SACS: variants seen among roughly 807,000 people sequenced by gnomAD.
SACS encodes the protein sacsin molecular chaperone.
Under a neutral mutation model 348.0 loss-of-function variants are expected in SACS, and 197 were observed. The ratio of observed to expected loss-of-function variants is 0.57; its 90% CI spans 0.50 to 0.64. The LOEUF (loss-of-function observed/expected upper bound fraction) is 0.64, where lower values mean the gene tolerates loss of function less well. Among genes scored for constraint, SACS ranks in the 30% least tolerant of loss-of-function variants. The pLI is 0.00. For synonymous variants in SACS, 1,985 were observed against 1,910.6 expected, an observed-to-expected ratio of 1.04 and a Z score of -1.02; for missense variants, 4,999 against 5,360.8, an observed-to-expected ratio of 0.93 and a Z score of 2.11.
rs138040321 is a variant in SACS, at chr13:23,337,306, A to C, written c.6570T>G (p.Ser2190Arg). 1 of 1,613,784 alleles carries C rather than the reference A, an allele frequency of 6.2e-7. No individual in the cohort carries two copies. Among genetic ancestry groups the C allele is most frequent in the Non-Finnish European group, 8.5e-7 (1 of 1,179,840 alleles). The change falls in exon 10 of 10, where the codon AGT (serine) becomes AGG (arginine). Residue 2190 changes from serine to arginine, a missense_variant. By Grantham distance (110) the Ser-to-Arg change is moderately radical. Around this residue, in one of 6 missense-constraint regions of SACS, gnomAD observed 3,156 missense variants for 3,380.1 expected, o/e 0.93. Coordinates refer to ENST00000382292, the MANE Select transcript of SACS (RefSeq NM_014363.6). ...TTATTTTTAGTTTCTCATCGATAAG[A>C]CTCAATAAGATACTACTTCTTAGGC... Reference protein sequence around the residue: ...AACLRSSILLSLIDEKLKIRD... With the variant: ...AACLRSSILLRLIDEKLKIRD...
intron 6 of SACS, among the ~76,000 whole-genome samples, chr13:23,363,444 C>G (rs991196971): frequency 7.1e-6 from 1 of 140,778 alleles, no homozygotes; most frequent in African/African-American, 2.5e-5. Flanking sequence ...CCAGGCTGGT[C>G]TCGAATTCCT....
Position 23,339,331 on chromosome 13 carries a change from T to G in SACS, c.4545A>C (p.Ala1515=), listed in dbSNP as rs1185081163. 1 of 1,612,624 alleles carries G rather than the reference T, an allele frequency of 6.2e-7. No individual in the cohort carries two copies. ...IRENLLDPGM[A]ACHGPALWSF... Reference sequence around the variant, plus strand: ...ACCACAAAGCAGGTCCATGACAAGCTGCCATCCCTGGGTCTAGGAGATTCT... The same window carrying G: ...ACCACAAAGCAGGTCCATGACAAGCGGCCATCCCTGGGTCTAGGAGATTCT... The change falls in exon 10 of 10, where the codon GCA becomes GCC. Residue 1515 remains alanine (A), a synonymous_variant. Transcript: ENST00000382292.
intron 4 of SACS, among the ~76,000 whole-genome samples, chr13:23,368,843 T>A (rs71429841): frequency 6.6e-6 from 1 of 152,026 alleles, no homozygotes; most frequent in Non-Finnish European, 1.5e-5. Flanking sequence ...GGACTACAGG[T>A]GCCCACCACC....
Position 23,329,274 on chromosome 13 carries a change from C to A in SACS, c.*862G>T. ...GGTTGTTTTTTTTTTAACTGCAGCACCTTTAGACAACAAAAGATTGCATCC... is the reference window on the plus strand; with the variant it reads ...GGTTGTTTTTTTTTTAACTGCAGCAACTTTAGACAACAAAAGATTGCATCC... On this transcript the variant is annotated 3_prime_UTR_variant, in exon 10 of 10. Coordinates refer to ENST00000382292, the MANE Select transcript of SACS (RefSeq NM_014363.6). 1.8e-6 allele frequency: 1 copy of A among 561,700 alleles called. No individual in the cohort carries two copies. Among genetic ancestry groups the A allele is most frequent in the Non-Finnish European group, 3.2e-6 (1 of 316,112 alleles). 34.8% of individuals were successfully genotyped at this position (561,700 alleles called of 1,614,324 possible).
intron 1 of SACS, among the ~76,000 whole-genome samples, chr13:23,412,450 A>G (rs1873531631): frequency 8.3e-6 from 1 of 119,814 alleles, no homozygotes; most frequent in Admixed American, 1.0e-4. Flanking sequence ...GCCTCCCTCT[A>G]TTGTCCAGGC....
At chr13:23,408,269 T>G (rs1873320741) in intron 2 of SACS, among the ~76,000 whole-genome samples, 1 of 152,096 alleles carries the variant, frequency 6.6e-6, no homozygotes, top group East Asian at 1.9e-4. Flanking sequence ...TAGAGCTGTT[T>G]CCTCAGGACC....
At position 23,334,291 on chromosome 13, in the gene SACS, T is replaced by A. The variant is rs1234544303; in HGVS notation, c.9585A>T (p.Lys3195Asn). 1 of 1,602,656 alleles carries A rather than the reference T, an allele frequency of 6.2e-7. No individual in the cohort carries two copies. Among genetic ancestry groups the A allele is most frequent in the Non-Finnish European group, 8.5e-7 (1 of 1,174,112 alleles). ...TACAGTTCAATAAAATATTACTATA[T>A]TTCAAATATAATGTATTCATAAACA... ...KDLFMNTLYLKYSNILLNCKV... is the reference protein window; with the variant it reads ...KDLFMNTLYLNYSNILLNCKV... Residue 3195 changes from lysine (K) to asparagine (N), a missense_variant, in exon 10 of 10, where the codon AAA becomes AAT. Around this residue, in one of 6 missense-constraint regions of SACS, gnomAD observed 734 missense variants for 694.0 expected, o/e 1.06. Transcript: ENST00000382292.
intron 2 of SACS, among the ~76,000 whole-genome samples, chr13:23,401,488 T>G (rs1267413449): frequency 1.3e-5 from 2 of 152,188 alleles, no homozygotes; most frequent in African/African-American, 4.8e-5. Flanking sequence ...TCCCTTAATG[T>G]AGAAAACCAA....
chr13:23,330,979 C>T lies in SACS; in HGVS notation c.12897G>A (p.Lys4299=). 1.2e-6 allele frequency: 2 copies of T among 1,614,056 alleles called. No individual in the cohort carries two copies. The change falls in exon 10 of 10, where the codon AAG becomes AAA. Residue 4299 remains lysine, a synonymous_variant. Coordinates refer to ENST00000382292, the MANE Select transcript of SACS (RefSeq NM_014363.6). ...SSKHQSPKKL[K]VNSLPEILKE... is the part of the protein sequence containing the mutation. ...TTAAGATTTCTGGTAAAGAATTAAC[C>T]TTAAGCTTTTTGGGGGACTGATGTT...
At chr13:23,368,892 G>T (rs1043914652) in intron 4 of SACS, among the ~76,000 whole-genome samples, 1 of 151,936 alleles carries the variant, frequency 6.6e-6, no homozygotes, top group Non-Finnish European at 1.5e-5. Flanking sequence ...GTAGAGATGG[G>T]GTTTCACCAT....
intron 4 of SACS, among the ~76,000 whole-genome samples, chr13:23,369,563 C>T (rs1169442326): frequency 3.1e-4 from 43 of 140,216 alleles, no homozygotes; most frequent in Admixed American, 2.6e-3. Context: ...TTTTTTTTTT[C>T]AGACGGACTC....
intron 2 of SACS, chr13:23,375,607 A>G (rs1407744986): frequency 2.0e-6 from 2 of 992,026 alleles, no homozygotes; most frequent in Non-Finnish European, 2.4e-6. Flanking sequence ...CCGCGGGGAC[A>G]CGCCCACCCG....
intron 1 of SACS, among the ~76,000 whole-genome samples, chr13:23,422,679 G>A (rs1476192258): frequency 2.0e-5 from 3 of 147,308 alleles, no homozygotes; most frequent in African/African-American, 7.6e-5. Context: ...TTTTTTTTGA[G>A]ACGGAGTCTC....
At chr13:23,350,880 T>G (rs891327301) in intron 9 of SACS, among the ~76,000 whole-genome samples, 1 of 152,168 alleles carries the variant, frequency 6.6e-6, no homozygotes, top group Non-Finnish European at 1.5e-5. Flanking sequence ...CTGCACATGC[T>G]CAGCAGGACT....
At chr13:23,381,730 T>C (rs1434543882) in intron 2 of SACS, among the ~76,000 whole-genome samples, 2 of 152,224 alleles carry the variant, frequency 1.3e-5, no homozygotes, top group African/African-American at 4.8e-5. Flanking sequence ...TTTTATCATA[T>C]TGTATTTTTA....
At chr13:23,347,899 C>A in intron 9 of SACS, among the ~76,000 whole-genome samples, 1 of 152,140 alleles carries the variant, frequency 6.6e-6, no homozygotes, top group East Asian at 1.9e-4. Flanking sequence ...ATCAATAGAA[C>A]CTTCCATGTA....
rs1868559106 is a variant in SACS, at chr13:23,336,029, G to A, written c.7847C>T (p.Pro2616Leu). 1.9e-6 allele frequency: 3 copies of A among 1,612,486 alleles called. No individual in the cohort carries two copies. The Admixed American group carries it at 5.0e-5, about 27-fold the overall frequency. ...TATTCCATACTGTCCAGTTTTATAA[G>A]GATTTCCCTCTTTCGTGCCTTTTCC... is the stretch of plus-strand genomic sequence containing the variant. ...NLGKGTKEGN[P>L]YKTGQYGIGF... The change falls in exon 10 of 10, where the codon CCT becomes CTT. Residue 2616 changes from proline (P) to leucine (L), a missense_variant. Physicochemically the swap from Pro to Leu is moderately conservative, Grantham distance 98 (BLOSUM62 -3). Coordinates refer to ENST00000382292, the MANE Select transcript of SACS (RefSeq NM_014363.6).
rs750136982 is a variant in SACS, at chr13:23,341,029, G to A, written c.2847C>T (p.Val949=). The A allele has an allele frequency of 1.9e-6, 3 of 1,614,086 alleles. No individual in the cohort carries two copies. The highest frequency in any genetic ancestry group is 2.5e-6 in the Non-Finnish European group (3 of 1,179,964). ...SSYTKLKGCK[V]LHHTAKLPAD... is the part of the protein sequence containing the mutation. ...CTGGGAGTTTGGCAGTATGGTGTAA[G>A]ACTTTACAACCTTTCAATTTTGTAT... Residue 949 remains valine, a synonymous_variant, in exon 10 of 10, where the codon GTC becomes GTT. Transcript: ENST00000382292.
Position 23,336,709 on chromosome 13 carries a change from C to T in SACS, c.7167G>A (p.Val2389=). ...CAACAGTGCATGACTGCCTCACACCCACGGTTTCAAAAAGTTCGCGGAAAT... is the reference window on the plus strand; with the variant it reads ...CAACAGTGCATGACTGCCTCACACCTACGGTTTCAAAAAGTTCGCGGAAAT... ...KNNFRELFET[V]GVRQSCTVED... Residue 2389 remains valine (V), a synonymous_variant, in exon 10 of 10, where the codon GTG becomes GTA. Transcript: ENST00000382292. 4 of 1,613,826 alleles carry T rather than the reference C, an allele frequency of 2.5e-6. No homozygotes were observed. The highest frequency in any genetic ancestry group is 2.2e-5 in the South Asian group (2 of 91,074).
Sources: allele counts gnomAD v4.1 joint callset (sites outside exome capture counted in the v4.1 genomes callset), GRCh38; gene constraint gnomAD v4.1.1; regional missense constraint gnomAD v4.1.1; transcripts MANE v1.5; gene names NCBI Gene and HGNC (gene_info 2026-07-23, HGNC 2026-07-21).